The following MISP3 variants were observed in gnomAD, a reference collection of about 807,000 sequenced individuals.
MISP3 encodes the protein MISP family member 3, also known as uncharacterized protein MISP3.
MISP3 carries 9 observed loss-of-function variants against 5.5 expected under a neutral mutation model. The observed-to-expected ratio is 1.65, with a 90% confidence interval of 0.99 to 2.87. The LOEUF is 2.87. Ranked by LOEUF, MISP3 falls within the 30% of genes most tolerant of loss-of-function variation. The pLI, the probability that MISP3 is intolerant of heterozygous loss-of-function variation, is 0.00. For synonymous variants in MISP3, 87 were observed against 38.1 expected (o/e 2.28, Z -4.73); for missense variants, 152 against 84.1 (o/e 1.81, Z -3.16).
rs201892488 is a variant in MISP3, at chr19:14,074,995, AG to A, written c.*275del. ...ACTACCCTCTCCCTTGACTGTTAAG[AG>A]GGCCGGAGTTACCGCCTCGATTGCC... is the stretch of plus-strand genomic sequence containing the variant. On this transcript the variant is annotated 3_prime_UTR_variant, in exon 3 of 3. Coordinates refer to ENST00000587086, the MANE Select transcript of MISP3 (RefSeq NM_001291291.2). This position sits in a 1 kb window ranked among gnomAD's most constrained non-coding sequence, Gnocchi z 4.4. The A allele has an allele frequency of 9.6e-3, 3,958 of 413,314 alleles. 140 individuals carry two copies. The highest frequency in any genetic ancestry group is 0.07 in the African/African-American group (3,541 of 50,528). The allele number at this position is 413,314 out of a possible 1,614,324, so 25.6% of individuals were successfully genotyped here.
chr19:14,073,794 G>A lies in MISP3; in HGVS notation c.485G>A (p.Arg162His). 1 of 701,242 alleles carries A rather than the reference G, an allele frequency of 1.4e-6. No individual in the cohort carries two copies. The highest frequency in any genetic ancestry group is 2.6e-6 in the Non-Finnish European group (1 of 384,304). The allele number at this position is 701,242 out of a possible 1,614,324, so 43.4% of individuals were successfully genotyped here. ...CTGGAGCAGGAGGTGCGCGCCGTGC[G>A]CGAGCGCGAGCAGGAACTGCAGCGC... ...SLLEQEVRAV[R>H]EREQELQRQR... The change falls in exon 1 of 3, where the codon CGC (arginine) becomes CAC (histidine). Residue 162 changes from arginine to histidine, a missense_variant. Transcript: ENST00000587086. The surrounding 1 kb of genome is among the most constrained non-coding windows in gnomAD (Gnocchi z 8.5).
In MISP3 at chr19:14,072,886, C is replaced by T. The variant is rs1194333533; in HGVS notation, c.-424C>T. On this transcript the variant is annotated 5_prime_UTR_variant, in exon 1 of 3. Coordinates refer to ENST00000587086, the MANE Select transcript of MISP3 (RefSeq NM_001291291.2). The surrounding 1 kb of genome is among the most constrained non-coding windows in gnomAD (Gnocchi z 6.8). Reference sequence around the variant, plus strand: ...GTTGGGAACTGAGGCTTCCGAACTGCTTCCAACCCTGGACACGAAGGCCCC... The same window carrying T: ...GTTGGGAACTGAGGCTTCCGAACTGTTTCCAACCCTGGACACGAAGGCCCC... 6.8e-6 allele frequency: 3 copies of T among 438,092 alleles called. No homozygotes were observed. Among genetic ancestry groups the T allele is most frequent in the African/African-American group, 2.0e-5 (1 of 49,218 alleles). 27.1% of individuals were successfully genotyped at this position (438,092 alleles called of 1,614,324 possible). A position where few individuals can be genotyped will look rare whatever the true frequency, so the allele number is the denominator to read the frequency against.
In MISP3 at chr19:14,073,858, G is replaced by T. The variant is rs905127799; in HGVS notation, c.549G>T (p.Glu183Asp). The T allele has an allele frequency of 1.4e-6, 1 of 701,784 alleles. No individual in the cohort carries two copies. Among genetic ancestry groups the T allele is most frequent in the Non-Finnish European group, 2.6e-6 (1 of 384,540 alleles). 43.5% of individuals were successfully genotyped at this position (701,784 alleles called of 1,614,324 possible). ...TCTATGGCACCGCGGAGTTCAAGGAGCCTACGCCGAGCCTCACCGGTAAGC... is the reference window on the plus strand; with the variant it reads ...TCTATGGCACCGCGGAGTTCAAGGATCCTACGCCGAGCCTCACCGGTAAGC... ...RSVYGTAEFKEPTPSLTASRG... is the reference protein window; with the variant it reads ...RSVYGTAEFKDPTPSLTASRG... Residue 183 changes from glutamate to aspartate, a missense_variant, in exon 1 of 3, where the codon GAG (glutamate) becomes GAT (aspartate). By Grantham distance (45) the Glu-to-Asp change is conservative (BLOSUM62 2). Coordinates refer to ENST00000587086, the MANE Select transcript of MISP3 (RefSeq NM_001291291.2). This position sits in a 1 kb window ranked among gnomAD's most constrained non-coding sequence, Gnocchi z 8.5.
At position 14,074,099 on chromosome 19, in the gene MISP3, C is replaced by T; in HGVS notation, c.568+222C>T. On this transcript the variant is annotated intron_variant, in intron 1 of 2. Coordinates refer to ENST00000587086, the MANE Select transcript of MISP3 (RefSeq NM_001291291.2). The surrounding 1 kb of genome is among the most constrained non-coding windows in gnomAD (Gnocchi z 4.4). ...GGAGTGATGGACTCTCTGATCCACA[C>T]CACCCAGGCTGCGCGGGGGTGGGGG... is the stretch of plus-strand genomic sequence containing the variant. 1.7e-6 allele frequency: 1 copy of T among 595,224 alleles called. No individual in the cohort carries two copies. Among genetic ancestry groups the T allele is most frequent in the Non-Finnish European group, 3.0e-6 (1 of 334,502 alleles). The allele number at this position is 595,224 out of a possible 1,614,324, so 36.9% of individuals were successfully genotyped here.
chr19:14,074,374 GC>G lies in MISP3; in HGVS notation c.569-12del. The G allele has an allele frequency of 1.4e-6, 1 of 702,380 alleles. No individual in the cohort carries two copies. Among genetic ancestry groups the G allele is most frequent in the Non-Finnish European group, 2.6e-6 (1 of 384,764 alleles). 43.5% of individuals were successfully genotyped at this position (702,380 alleles called of 1,614,324 possible). ...GCTGCCGCCAGCTGGTGAGCTGAGC[GC>G]CCCTTCCCCCGCAGCGAGCAGGGGC... On this transcript the variant is annotated splice_polypyrimidine_tract_variant and intron_variant, in intron 1 of 2. Coordinates refer to ENST00000587086, the MANE Select transcript of MISP3 (RefSeq NM_001291291.2). The surrounding 1 kb of genome is among the most constrained non-coding windows in gnomAD (Gnocchi z 4.4).
In MISP3 at chr19:14,074,534, G is replaced by C. The variant is rs1976657925; in HGVS notation, c.642+71G>C. On this transcript the variant is annotated intron_variant, in intron 2 of 2. Transcript: ENST00000587086. This position sits in a 1 kb window ranked among gnomAD's most constrained non-coding sequence, Gnocchi z 4.4. The stretch of plus-strand genomic sequence containing the variant: ...CCACCCCTCCGGTGCCAGGACGCTT[G>C]GTGGGGAAAAGTGCATCCTCCCTGG... The C allele has an allele frequency of 8.8e-6, 6 of 683,370 alleles. No homozygotes were observed. The highest frequency in any genetic ancestry group is 1.6e-5 in the Non-Finnish European group (6 of 372,648). The allele number at this position is 683,370 out of a possible 1,614,324, so 42.3% of individuals were successfully genotyped here. A position where few individuals can be genotyped will look rare whatever the true frequency, so the allele number is the denominator to read the frequency against.
rs772509019 is a variant in MISP3 at position 14,073,740 on chromosome 19, G to T, written c.431G>T (p.Ser144Ile). The change falls in exon 1 of 3, where the codon AGC becomes ATC. Residue 144 changes from serine to isoleucine, a missense_variant. Transcript: ENST00000587086. The surrounding 1 kb of genome is among the most constrained non-coding windows in gnomAD (Gnocchi z 8.5). ...AVQGGCRVLG[S>I]APPPFTPSLL... is the part of the protein sequence containing the mutation. The stretch of plus-strand genomic sequence containing the variant: ...CAGGGCGGGTGCCGGGTGCTGGGCA[G>T]CGCCCCGCCGCCTTTCACTCCGTCA... The T allele has an allele frequency of 5.8e-6, 4 of 689,532 alleles. No homozygotes were observed. In the South Asian group the frequency reaches 6.0e-5, roughly 10 times the overall value. The allele number at this position is 689,532 out of a possible 1,614,324, so 42.7% of individuals were successfully genotyped here. A position where few individuals can be genotyped will look rare whatever the true frequency, so the allele number is the denominator to read the frequency against.
Position 14,073,729 on chromosome 19 carries a change from G to A in MISP3, c.420G>A (p.Arg140=), listed in dbSNP as rs748516133. ...RPRSAVQGGC[R]VLGSAPPPFT... ...GCTCGGCCGTGCAGGGCGGGTGCCG[G>A]GTGCTGGGCAGCGCCCCGCCGCCTT... Residue 140 remains arginine, a synonymous_variant, in exon 1 of 3, where the codon CGG becomes CGA. Transcript: ENST00000587086. This position sits in a 1 kb window ranked among gnomAD's most constrained non-coding sequence, Gnocchi z 8.5. The A allele has an allele frequency of 1.6e-5, 11 of 673,830 alleles. No homozygotes were observed. The East Asian group carries it at 2.0e-4, about 12-fold the overall frequency. 41.7% of individuals were successfully genotyped at this position (673,830 alleles called of 1,614,324 possible).
In MISP3 at chr19:14,073,370, C is replaced by A. The variant is rs1415508743; in HGVS notation, c.61C>A (p.Arg21=). 3 of 698,248 alleles carry A rather than the reference C, an allele frequency of 4.3e-6. No individual in the cohort carries two copies. In the East Asian group the frequency reaches 8.1e-5, roughly 19 times the overall value. 43.3% of individuals were successfully genotyped at this position (698,248 alleles called of 1,614,324 possible). A position where few individuals can be genotyped will look rare whatever the true frequency, so the allele number is the denominator to read the frequency against. ...RSCEREESLR[R]SRGLSPGRAG... ...CTGCGAACGCGAGGAGAGCCTGCGC[C>A]GGAGCCGGGGCCTGAGCCCGGGCCG... is the stretch of plus-strand genomic sequence containing the variant. The change falls in exon 1 of 3, where the codon CGG becomes AGG. Residue 21 remains arginine (R), a synonymous_variant. Coordinates refer to ENST00000587086, the MANE Select transcript of MISP3 (RefSeq NM_001291291.2). This position sits in a 1 kb window ranked among gnomAD's most constrained non-coding sequence, Gnocchi z 8.5.
At position 14,074,119 on chromosome 19, in the gene MISP3, T is replaced by G; in HGVS notation, c.568+242T>G. 1 of 591,512 alleles carries G rather than the reference T, an allele frequency of 1.7e-6. No individual in the cohort carries two copies. Among genetic ancestry groups the G allele is most frequent in the Non-Finnish European group, 3.0e-6 (1 of 332,748 alleles). The allele number at this position is 591,512 out of a possible 1,614,324, so 36.6% of individuals were successfully genotyped here. ...CCACACCACCCAGGCTGCGCGGGGGTGGGGGCATTCCAGATGTCTTCCTTT... is the reference window on the plus strand; with the variant it reads ...CCACACCACCCAGGCTGCGCGGGGGGGGGGGCATTCCAGATGTCTTCCTTT... On this transcript the variant is annotated intron_variant, in intron 1 of 2. Transcript: ENST00000587086. This position sits in a 1 kb window ranked among gnomAD's most constrained non-coding sequence, Gnocchi z 4.4.
chr19:14,073,164 C>T lies in MISP3; in HGVS notation c.-146C>T. On this transcript the variant is annotated 5_prime_UTR_variant, in exon 1 of 3. Transcript: ENST00000587086. The surrounding 1 kb of genome is among the most constrained non-coding windows in gnomAD (Gnocchi z 8.5). ...GAGCCAGGCAGAGACGACCCTGGGCCGTCCGAAGCGCAAAGGGCGGAGGTC... is the reference window on the plus strand; with the variant it reads ...GAGCCAGGCAGAGACGACCCTGGGCTGTCCGAAGCGCAAAGGGCGGAGGTC... The T allele has an allele frequency of 3.0e-6, 2 of 673,116 alleles. No homozygotes were observed. Among genetic ancestry groups the T allele is most frequent in the Middle Eastern group, 2.4e-4 (1 of 4,210 alleles). The allele number at this position is 673,116 out of a possible 1,614,324, so 41.7% of individuals were successfully genotyped here. A position where few individuals can be genotyped will look rare whatever the true frequency, so the allele number is the denominator to read the frequency against.
In MISP3 at chr19:14,074,580, T is replaced by G. The variant is rs1259850018; in HGVS notation, c.642+117T>G. 3 of 683,652 alleles carry G rather than the reference T, an allele frequency of 4.4e-6. No individual in the cohort carries two copies. In the African/African-American group the frequency reaches 5.3e-5, roughly 12 times the overall value. The allele number at this position is 683,652 out of a possible 1,614,324, so 42.3% of individuals were successfully genotyped here. A position where few individuals can be genotyped will look rare whatever the true frequency, so the allele number is the denominator to read the frequency against. Reference sequence around the variant, plus strand: ...CCTGGAGGGCCACTCTGGTCAGAACTCAGTCTGGGACGCATCCCCGGGGTG... The same window carrying G: ...CCTGGAGGGCCACTCTGGTCAGAACGCAGTCTGGGACGCATCCCCGGGGTG... On this transcript the variant is annotated intron_variant, in intron 2 of 2. Coordinates refer to ENST00000587086, the MANE Select transcript of MISP3 (RefSeq NM_001291291.2). This position sits in a 1 kb window ranked among gnomAD's most constrained non-coding sequence, Gnocchi z 4.4.
At position 14,073,565 on chromosome 19, in the gene MISP3, G is replaced by T; in HGVS notation, c.256G>T (p.Glu86Ter). 4.0e-6 allele frequency: 1 copy of T among 249,852 alleles called. No individual in the cohort carries two copies. The highest frequency in any genetic ancestry group is 1.5e-4 in the South Asian group (1 of 6,544). The allele number at this position is 249,852 out of a possible 1,614,324, so 15.5% of individuals were successfully genotyped here. A position where few individuals can be genotyped will look rare whatever the true frequency, so the allele number is the denominator to read the frequency against. The change falls in exon 1 of 3, where the codon GAG (glutamate) becomes TAG (stop). Residue 86 changes from glutamate (E) to a stop codon, truncating the protein, a stop_gained. Transcript: ENST00000587086. LOFTEE classifies it high-confidence loss of function. This position sits in a 1 kb window ranked among gnomAD's most constrained non-coding sequence, Gnocchi z 8.5. ...GGCGCTGGCGCGCCCCGCGGTCCCC[G>T]AGCCGCGCGCCCGGTCGCCGCCGCA... ...QAALARPAVP[E>*]PRARSPPQPL... is the part of the protein sequence containing the mutation.
Position 14,074,186 on chromosome 19 carries a change from T to G in MISP3, c.569-204T>G, listed in dbSNP as rs569693901. Reference sequence around the variant, plus strand: ...AACCCTGACTGGGTTCTGGCACTCCTGGGTCCTCCCTCTGAATTTTCGGGC... The same window carrying G: ...AACCCTGACTGGGTTCTGGCACTCCGGGGTCCTCCCTCTGAATTTTCGGGC... On this transcript the variant is annotated intron_variant, in intron 1 of 2. Coordinates refer to ENST00000587086, the MANE Select transcript of MISP3 (RefSeq NM_001291291.2). The surrounding 1 kb of genome is among the most constrained non-coding windows in gnomAD (Gnocchi z 4.4). 14 of 597,910 alleles carry G rather than the reference T, an allele frequency of 2.3e-5. No individual in the cohort carries two copies. The African/African-American group carries it at 2.6e-4, about 11-fold the overall frequency. The allele number at this position is 597,910 out of a possible 1,614,324, so 37.0% of individuals were successfully genotyped here.
chr19:14,074,212 T>G lies in MISP3; in HGVS notation c.569-178T>G. ...GGGTCCTCCCTCTGAATTTTCGGGC[T>G]CCTGCTTCTCCATTCTGGGTTCACC... is the stretch of plus-strand genomic sequence containing the variant. On this transcript the variant is annotated intron_variant, in intron 1 of 2. Transcript: ENST00000587086. The surrounding 1 kb of genome is among the most constrained non-coding windows in gnomAD (Gnocchi z 4.4). 1.7e-6 allele frequency: 1 copy of G among 597,366 alleles called. No homozygotes were observed. Among genetic ancestry groups the G allele is most frequent in the Non-Finnish European group, 3.0e-6 (1 of 335,490 alleles). The allele number at this position is 597,366 out of a possible 1,614,324, so 37.0% of individuals were successfully genotyped here.
chr19:14,073,203 C>T lies in MISP3; in HGVS notation c.-107C>T. On this transcript the variant is annotated 5_prime_UTR_variant, in exon 1 of 3. Coordinates refer to ENST00000587086, the MANE Select transcript of MISP3 (RefSeq NM_001291291.2). This position sits in a 1 kb window ranked among gnomAD's most constrained non-coding sequence, Gnocchi z 8.5. ...AGGGCGGAGGTCCAGGGGCAGCATC[C>T]CCCTCCAGGCCCTAAGACCTCCTCC... 3.0e-6 allele frequency: 2 copies of T among 674,216 alleles called. No individual in the cohort carries two copies. The highest frequency in any genetic ancestry group is 4.8e-4 in the Middle Eastern group (2 of 4,200). The allele number at this position is 674,216 out of a possible 1,614,324, so 41.8% of individuals were successfully genotyped here.
At position 14,074,414 on chromosome 19, in the gene MISP3, T is replaced by C. The variant is rs7258963; in HGVS notation, c.593T>C (p.Val198Ala). 289,469 of 702,166 alleles carry C rather than the reference T, an allele frequency of 0.41. 63,227 individuals carry two copies. The highest frequency in any genetic ancestry group is 0.7 in the African/African-American group (39,788 of 57,224). The allele number at this position is 702,166 out of a possible 1,614,324, so 43.5% of individuals were successfully genotyped here. A position where few individuals can be genotyped will look rare whatever the true frequency, so the allele number is the denominator to read the frequency against. The change falls in exon 2 of 3, where the codon GTG becomes GCG. Residue 198 changes from valine to alanine, a missense_variant. Transcript: ENST00000587086. This position sits in a 1 kb window ranked among gnomAD's most constrained non-coding sequence, Gnocchi z 4.4. ...LTASRGDGKL[V>A]VIWPPRRKVS... ...GCGAGCAGGGGCGACGGAAAGTTGGTGGTGATCTGGCCCCCCCGCAGAAAG... is the reference window on the plus strand; with the variant it reads ...GCGAGCAGGGGCGACGGAAAGTTGGCGGTGATCTGGCCCCCCCGCAGAAAG...
Position 14,073,736 on chromosome 19 carries a change from G to C in MISP3, c.427G>C (p.Gly143Arg), listed in dbSNP as rs1197880146. 10 of 687,890 alleles carry C rather than the reference G, an allele frequency of 1.5e-5. No homozygotes were observed. Among genetic ancestry groups the C allele is most frequent in the Non-Finnish European group, 2.4e-5 (9 of 378,692 alleles). The allele number at this position is 687,890 out of a possible 1,614,324, so 42.6% of individuals were successfully genotyped here. ...SAVQGGCRVL[G>R]SAPPPFTPSL... ...CGTGCAGGGCGGGTGCCGGGTGCTG[G>C]GCAGCGCCCCGCCGCCTTTCACTCC... Residue 143 changes from glycine (G) to arginine (R), a missense_variant, in exon 1 of 3, where the codon GGC becomes CGC. Transcript: ENST00000587086. This position sits in a 1 kb window ranked among gnomAD's most constrained non-coding sequence, Gnocchi z 8.5.
rs939837758 is a variant in MISP3 at position 14,074,518 on chromosome 19, C to CAGGTGG, written c.642+55_642+56insAGGTGG. On this transcript the variant is annotated intron_variant, in intron 2 of 2. Coordinates refer to ENST00000587086, the MANE Select transcript of MISP3 (RefSeq NM_001291291.2). The surrounding 1 kb of genome is among the most constrained non-coding windows in gnomAD (Gnocchi z 4.4). ...GCGCTTGTCGGTCCCCCCACCCCTCCGGTGCCAGGACGCTTGGTGGGGAAA... is the reference window on the plus strand; with the variant it reads ...GCGCTTGTCGGTCCCCCCACCCCTCCAGGTGGGGTGCCAGGACGCTTGGTGGGGAAA... 4.4e-6 allele frequency: 3 copies of CAGGTGG among 687,352 alleles called. No individual in the cohort carries two copies. The African/African-American group carries it at 5.3e-5, about 12-fold the overall frequency. The allele number at this position is 687,352 out of a possible 1,614,324, so 42.6% of individuals were successfully genotyped here.
Sources: gnomAD v4.1 joint callset for allele counts on GRCh38, gnomAD v4.1.1 for gene constraint, Gnocchi (gnomAD v3.1) non-coding constraint, MANE v1.5 for transcripts, NCBI Gene and HGNC (gene_info 2026-07-23, HGNC 2026-07-21) for gene names.